GABRB1: variants seen among roughly 807,000 people sequenced by gnomAD.
GABRB1 encodes the protein gamma-aminobutyric acid type A receptor subunit beta1.
A neutral mutation model predicts 51.6 loss-of-function variants in GABRB1; 17 were observed. The ratio of observed to expected loss-of-function variants is 0.33; its 90% confidence interval spans 0.23 to 0.49. The LOEUF is 0.49. GABRB1 is among the 20% of genes least tolerant of loss of function. GABRB1 has a pLI of 0.99. For synonymous variants in GABRB1, 247 were observed against 218.9 expected (o/e 1.13, Z -1.14); for missense variants, 410 against 600.6 (o/e 0.68, Z 3.32).
chr4:47,299,768 C>A (rs1270221547), intron 4 of GABRB1, among the ~76,000 whole-genome samples: 1 of 152,116 alleles, frequency 6.6e-6, no homozygotes, highest in African/African-American at 2.4e-5. Flanking sequence ...ATAAATCATG[C>A]TGTTATAAAG....
At chr4:47,156,390 A>G (rs2109728627) in intron 3 of GABRB1, among the ~76,000 whole-genome samples, 1 of 152,096 alleles carries the variant, frequency 6.6e-6, no homozygotes, top group Non-Finnish European at 1.5e-5. Context: ...GAACCAGACA[A>G]TTCTTTATTA....
At chr4:47,155,316 G>A (rs1261228490) in intron 3 of GABRB1, among the ~76,000 whole-genome samples, 2 of 151,950 alleles carry the variant, frequency 1.3e-5, no homozygotes, top group African/African-American at 4.8e-5. Flanking sequence ...ATATTTTACG[G>A]GGAACAGAGG....
chr4:47,075,299 C>T (rs1054753659), intron 3 of GABRB1, among the ~76,000 whole-genome samples: 1 of 152,018 alleles, frequency 6.6e-6, no homozygotes, highest in African/African-American at 2.4e-5. Context: ...AAATGTAAAC[C>T]AACTTTGAAA....
intron 4 of GABRB1, among the ~76,000 whole-genome samples, chr4:47,166,128 T>A (rs1718174315): frequency 6.6e-6 from 1 of 152,134 alleles, no homozygotes; most frequent in South Asian, 2.1e-4. Flanking sequence ...ACCCTCTGCT[T>A]ATTTCTGTAA....
intron 3 of GABRB1, among the ~76,000 whole-genome samples, chr4:47,072,471 G>T (rs1577881492): frequency 6.6e-6 from 1 of 152,116 alleles, no homozygotes; most frequent in Non-Finnish European, 1.5e-5. Context: ...AAAAGGAAAG[G>T]TTAGTTTGCT....
intron 5 of GABRB1, among the ~76,000 whole-genome samples, chr4:47,348,711 G>T (rs1031462641): frequency 6.6e-6 from 1 of 152,178 alleles, no homozygotes; most frequent in Non-Finnish European, 1.5e-5. Context: ...GAGCATTGAA[G>T]ATTTTGAACT....
intron 4 of GABRB1, among the ~76,000 whole-genome samples, chr4:47,190,728 T>G (rs1719406127): frequency 6.6e-6 from 1 of 152,150 alleles, no homozygotes; most frequent in Non-Finnish European, 1.5e-5. Flanking sequence ...GGTTCTAAAA[T>G]TTTAATGTAT....
At chr4:47,032,157 C>G (rs1725342007) in intron 2 of GABRB1, 152 bp downstream of exon 2, 1 of 686,496 alleles carries the variant, frequency 1.5e-6, no homozygotes, top group Non-Finnish European at 2.4e-6. Context: ...CACACACACA[C>G]ACACCCCGGG....
At chr4:47,071,196 C>T (rs1293590322) in intron 3 of GABRB1, among the ~76,000 whole-genome samples, 5 of 152,184 alleles carry the variant, frequency 3.3e-5, no homozygotes, top group Non-Finnish European at 4.4e-5. Flanking sequence ...TACTTCTCCC[C>T]ACATTGCTAT....
At chr4:47,179,686 G>A (rs1050248725) in intron 4 of GABRB1, among the ~76,000 whole-genome samples, 6 of 152,028 alleles carry the variant, frequency 3.9e-5, no homozygotes, top group Non-Finnish European at 8.8e-5. Flanking sequence ...AGTTAGATAG[G>A]CATGGTGGTA....
At chr4:47,316,180 T>C (rs538858911) in intron 4 of GABRB1, among the ~76,000 whole-genome samples, 36 of 152,036 alleles carry the variant, frequency 2.4e-4, no homozygotes, top group African/African-American at 8.4e-4. Flanking sequence ...CCATCTTTAC[T>C]ACATTTAAAT....
chr4:47,246,329 CATATGTACAT>C (rs1440232795), intron 4 of GABRB1, among the ~76,000 whole-genome samples: 20 of 29,032 alleles, frequency 6.9e-4, no homozygotes, highest in Admixed American at 1.8e-3. Flanking sequence ...CACACACACA[CATATGTACAT>C]ATATATATAT....
chr4:47,267,581 G>A (rs553675511), intron 4 of GABRB1, among the ~76,000 whole-genome samples: 6 of 152,024 alleles, frequency 3.9e-5, no homozygotes, highest in South Asian at 4.2e-4. Context: ...GATCACCTGC[G>A]GTCAGGAGTT....
intron 5 of GABRB1, among the ~76,000 whole-genome samples, chr4:47,356,259 C>A (rs1726571077): frequency 8.0e-6 from 1 of 125,292 alleles, no homozygotes; most frequent in South Asian, 2.6e-4. Context: ...GACAGCTACT[C>A]CTTAAATAAG....
chr4:47,101,279 T>G (rs181873057), intron 3 of GABRB1, among the ~76,000 whole-genome samples: 72 of 152,148 alleles, frequency 4.7e-4, no homozygotes, highest in Admixed American at 1.0e-3. Flanking sequence ...ATTATTACAA[T>G]AAAATCAAAA....
chr4:47,292,304 A>G (rs1723777277), intron 4 of GABRB1, among the ~76,000 whole-genome samples: 1 of 152,100 alleles, frequency 6.6e-6, no homozygotes. Flanking sequence ...AGTCCAATAA[A>G]CCTCTTTCTT....
intron 3 of GABRB1, among the ~76,000 whole-genome samples, chr4:47,148,168 A>C (rs1717261672): frequency 6.6e-6 from 1 of 152,046 alleles, no homozygotes; most frequent in Non-Finnish European, 1.5e-5. Context: ...AAATGCCAGA[A>C]GAGAAAAAGA....
chr4:47,381,870 C>A (rs1038556760), intron 5 of GABRB1, among the ~76,000 whole-genome samples: 3 of 152,126 alleles, frequency 2.0e-5, no homozygotes, highest in African/African-American at 7.2e-5. Context: ...CTTACTTTCT[C>A]GCCAACAGTT....
At chr4:47,000,313 A>G (rs1724139569) in intron 1 of GABRB1, among the ~76,000 whole-genome samples, 1 of 152,230 alleles carries the variant, frequency 6.6e-6, no homozygotes, top group Middle Eastern at 3.2e-3. Context: ...AATAAGGGAA[A>G]CATTGACTAT....
Sources: allele counts gnomAD v4.1 joint callset (sites outside exome capture counted in the v4.1 genomes callset), GRCh38; gene constraint gnomAD v4.1.1; transcripts MANE v1.5; gene names NCBI Gene and HGNC (gene_info 2026-07-23, HGNC 2026-07-21).